NKAIN3: variants seen among roughly 807,000 people sequenced by gnomAD.
The protein encoded by NKAIN3 is sodium/potassium-transporting ATPase subunit beta-1-interacting protein 3.
Under a neutral mutation model 30.2 loss-of-function variants are expected in NKAIN3, and 25 were observed. The ratio of observed to expected loss-of-function variants is 0.83; its 90% CI spans 0.60 to 1.16. The LOEUF (loss-of-function observed/expected upper bound fraction) is 1.16, where lower values mean the gene tolerates loss of function less well. Ranked by LOEUF, NKAIN3 falls within the 50% of genes most tolerant of loss-of-function variation. The pLI is 0.00. For synonymous variants in NKAIN3, 91 were observed against 89.6 expected, an observed-to-expected ratio of 1.02 and a Z score of -0.09; for missense variants, 225 against 254.1, an observed-to-expected ratio of 0.89 and a Z score of 0.78.
intron 5 of NKAIN3, among the ~76,000 whole-genome samples, chr8:62,996,085 A>G (rs1387758600): frequency 6.6e-6 from 1 of 152,218 alleles, no homozygotes; most frequent in Non-Finnish European, 1.5e-5. Context: ...AAGTGATGTA[A>G]AATTGCTAGA....
chr8:62,896,552 T>C (rs1417337872), intron 4 of NKAIN3, among the ~76,000 whole-genome samples: 1 of 152,142 alleles, frequency 6.6e-6, no homozygotes, highest in African/African-American at 2.4e-5. Flanking sequence ...TGGTTCTCTT[T>C]TACCCAAGGG....
chr8:62,774,628 T>G (rs541460241), intron 4 of NKAIN3, among the ~76,000 whole-genome samples: 3 of 152,326 alleles, frequency 2.0e-5, no homozygotes, highest in African/African-American at 7.2e-5. Flanking sequence ...ATGTTGAATT[T>G]TATAGAATGC....
At chr8:62,628,967 A>G (rs142509131) in intron 3 of NKAIN3, among the ~76,000 whole-genome samples, 1 of 152,306 alleles carries the variant, frequency 6.6e-6, no homozygotes, top group African/African-American at 2.4e-5. Context: ...AATATTGAAT[A>G]TGTAGCTGAA....
intron 1 of NKAIN3, among the ~76,000 whole-genome samples, chr8:62,343,202 C>G (rs1055035906): frequency 2.0e-5 from 3 of 151,974 alleles, no homozygotes; most frequent in African/African-American, 7.2e-5. Context: ...CTGGGCTACC[C>G]TGGGCAATTT....
At chr8:62,931,433 T>A (rs1162690535) in intron 5 of NKAIN3, among the ~76,000 whole-genome samples, 1 of 152,204 alleles carries the variant, frequency 6.6e-6, no homozygotes, top group Non-Finnish European at 1.5e-5. Flanking sequence ...ATTATCCCAA[T>A]GATTATAAAA....
intron 1 of NKAIN3, among the ~76,000 whole-genome samples, chr8:62,378,940 C>T (rs1372243116): frequency 6.6e-6 from 1 of 152,138 alleles, no homozygotes; most frequent in African/African-American, 2.4e-5. Flanking sequence ...CAGTTTGCAC[C>T]TTGTGCCTGG....
chr8:62,317,536 C>G (rs925180803), intron 1 of NKAIN3, among the ~76,000 whole-genome samples: 3 of 152,146 alleles, frequency 2.0e-5, no homozygotes, highest in African/African-American at 7.2e-5. Context: ...ATAGGGAATC[C>G]TTTCCCCATT....
At chr8:62,941,494 A>T (rs999481913) in intron 5 of NKAIN3, among the ~76,000 whole-genome samples, 1 of 152,166 alleles carries the variant, frequency 6.6e-6, no homozygotes, top group African/African-American at 2.4e-5. Context: ...ATGAACATAG[A>T]TGCAAAAATC....
In NKAIN3 at chr8:62,698,884, T is replaced by C. The variant is rs1370514834; in HGVS notation, c.274-48048T>C. On this transcript the variant is annotated intron_variant, in intron 3 of 6. Coordinates refer to ENST00000623646, the MANE Select transcript of NKAIN3 (RefSeq NM_001304533.3). ...TCCCTTGTGATTGACATCAATGCAC[T>C]AATAAGCACTATTGAGGTAGCGATT... 2.0e-5 allele frequency among the ~76,000 whole-genome samples: 3 copies of C among 152,318 alleles called. No homozygotes were observed. In the South Asian group the frequency reaches 6.2e-4, roughly 32 times the overall value.
At chr8:62,416,473 G>T (rs1030932402) in intron 1 of NKAIN3, among the ~76,000 whole-genome samples, 1 of 152,092 alleles carries the variant, frequency 6.6e-6, no homozygotes, top group East Asian at 1.9e-4. Flanking sequence ...CTCCCAGACA[G>T]CAGAGCTTAA....
At chr8:62,796,691 C>T (rs1157314747) in intron 4 of NKAIN3, among the ~76,000 whole-genome samples, 1 of 151,772 alleles carries the variant, frequency 6.6e-6, no homozygotes, top group Non-Finnish European at 1.5e-5. Context: ...TGCAGAGGAA[C>T]AAGTATGTAC....
chr8:62,811,327 A>G (rs1396712514), intron 4 of NKAIN3, among the ~76,000 whole-genome samples: 1 of 152,074 alleles, frequency 6.6e-6, no homozygotes, highest in Non-Finnish European at 1.5e-5. Context: ...GCTGTTATGA[A>G]CATTTATGTA....
intron 3 of NKAIN3, among the ~76,000 whole-genome samples, chr8:62,744,773 G>A (rs4737612): frequency 0.75 from 113,404 of 151,860 alleles, 42,805 homozygotes; most frequent in Admixed American, 0.81. Flanking sequence ...TTTCCCTTCA[G>A]AGAGTAACTG....
chr8:62,779,894 C>T lies in NKAIN3; in HGVS notation c.471+32765C>T, dbSNP rs537815669. Reference sequence around the variant, plus strand: ...ACGACCAAATAATGCACCTCAAGAACCTAGGAAAAAAAGAACAAACAAAAC... The same window carrying T: ...ACGACCAAATAATGCACCTCAAGAATCTAGGAAAAAAAGAACAAACAAAAC... On this transcript the variant is annotated intron_variant, in intron 4 of 6. Transcript: ENST00000623646. 2.0e-5 allele frequency among the ~76,000 whole-genome samples: 3 copies of T among 151,562 alleles called. No homozygotes were observed. The East Asian group carries it at 5.8e-4, about 29-fold the overall frequency.
intron 1 of NKAIN3, among the ~76,000 whole-genome samples, chr8:62,408,361 T>C (rs1293874182): frequency 1.3e-5 from 2 of 152,172 alleles, no homozygotes; most frequent in African/African-American, 4.8e-5. Flanking sequence ...TATACAGCCC[T>C]TGGAGTTGTG....
At chr8:62,421,135 T>C (rs374574659) in intron 1 of NKAIN3, among the ~76,000 whole-genome samples, 194 of 152,246 alleles carry the variant, frequency 1.3e-3, no homozygotes, top group African/African-American at 4.6e-3. Context: ...GTCCTTACCA[T>C]GAGGTGGATA....
intron 1 of NKAIN3, among the ~76,000 whole-genome samples, chr8:62,446,153 A>G (rs768107873): frequency 1.3e-5 from 2 of 152,154 alleles, no homozygotes; most frequent in Non-Finnish European, 2.9e-5. Context: ...ATAAGAAACT[A>G]AGAAATCCCT....
At chr8:62,382,586 G>C (rs188655700) in intron 1 of NKAIN3, among the ~76,000 whole-genome samples, 1 of 152,174 alleles carries the variant, frequency 6.6e-6, no homozygotes, top group East Asian at 1.9e-4. Context: ...ATAAAAGAAG[G>C]GTTCAAGTCA....
rs952904062 is a variant in NKAIN3, at chr8:62,976,722, A to C, written c.*11315A>C. On this transcript the variant is annotated 3_prime_UTR_variant, in exon 7 of 7. Transcript: ENST00000623646. ...TGTTATGTGTGAATTTGATTCTGTC[A>C]TTATGATGATAGCTGGTTATTTTGC... Among the ~76,000 whole-genome samples the C allele has an allele frequency of 3.9e-5, 6 of 152,200 alleles. No individual in the cohort carries two copies. The highest frequency in any genetic ancestry group is 8.8e-5 in the Non-Finnish European group (6 of 68,030).
Sources: gnomAD v4.1 joint callset for allele counts (sites outside exome capture counted in the v4.1 genomes callset) on GRCh38, gnomAD v4.1.1 for gene constraint, MANE v1.5 for transcripts, NCBI Gene and HGNC (gene_info 2026-07-23, HGNC 2026-07-21) for gene names.